Variants in SRGAP3 observed in about 807,000 individuals in gnomAD.
SRGAP3 encodes SLIT-ROBO Rho GTPase activating protein 3.
Under a neutral mutation model 121.1 loss-of-function variants are expected in SRGAP3, and 39 were observed. The ratio of observed to expected loss-of-function variants is 0.32; its 90% confidence interval spans 0.25 to 0.42. The LOEUF (loss-of-function observed/expected upper bound fraction) is 0.42, where lower values mean the gene tolerates loss of function less well. Among genes scored for constraint, SRGAP3 ranks in the 10% least tolerant of loss-of-function variants. The pLI is 1.00. For missense variants in SRGAP3, 1,213 were observed against 1,470.6 expected (o/e 0.82, Z 2.86); for synonymous variants, 601 against 570.0 (o/e 1.05, Z -0.77).
At chr3:9,144,109 T>C (rs1482438142) in intron 1 of SRGAP3, among the ~76,000 whole-genome samples, 1 of 152,206 alleles carries the variant, frequency 6.6e-6, no homozygotes, top group Non-Finnish European at 1.5e-5. Flanking sequence ...AAATTCATGC[T>C]ACCACTAGCA....
At chr3:9,277,430 T>C (rs1954605607) in intron 3 of SRGAP3, among the ~76,000 whole-genome samples, 1 of 146,488 alleles carries the variant, frequency 6.8e-6, no homozygotes, top group Non-Finnish European at 1.5e-5. Context: ...CAAGTCCCCA[T>C]CTCTACTAAA....
Position 9,047,427 on chromosome 3 carries a change from C to T in SRGAP3, c.1372G>A (p.Ala458Thr), listed in dbSNP as rs1945343596. The T allele has an allele frequency of 5.0e-6, 8 of 1,614,032 alleles. No homozygotes were observed. The highest frequency in any genetic ancestry group is 6.8e-6 in the Non-Finnish European group (8 of 1,180,030). The stretch of plus-strand genomic sequence containing the variant: ...GTCTGCTTGAGTAAATCGTGCTTGG[C>T]CTGCAGCTTGGTGATGAGGTTACTG... ...NGSNLITKLQ[A>T]KHDLLKQTLG... The change falls in exon 10 of 22, where the codon GCC (alanine) becomes ACC (threonine). Residue 458 changes from alanine to threonine, a missense_variant. Transcript: ENST00000383836.
intron 1 of SRGAP3, among the ~76,000 whole-genome samples, chr3:9,132,932 C>A (rs1949511528): frequency 6.6e-6 from 1 of 151,074 alleles, no homozygotes; most frequent in African/African-American, 2.4e-5. Flanking sequence ...CCACCTAGTT[C>A]CCCTCTCGCA....
chr3:9,213,328 G>GA (rs35735660), intron 1 of SRGAP3, among the ~76,000 whole-genome samples: 45 of 147,798 alleles, frequency 3.0e-4, no homozygotes, highest in Non-Finnish European at 4.1e-4. Flanking sequence ...TGCATCATCT[G>GA]AAAAAAAAAA....
intron 3 of SRGAP3, among the ~76,000 whole-genome samples, chr3:9,308,029 C>A (rs1955186026): frequency 6.6e-6 from 1 of 152,202 alleles, no homozygotes; most frequent in African/African-American, 2.4e-5. Context: ...GTGGTGCATG[C>A]CTGTAATCCC....
At chr3:9,140,219 C>T (rs2543494) in intron 1 of SRGAP3, among the ~76,000 whole-genome samples, 100,987 of 151,824 alleles carry the variant, frequency 0.67, 34,077 homozygotes, top group Non-Finnish European at 0.74. Context: ...AACTTGGATA[C>T]GGCATAACTA....
chr3:8,994,617 A>G, intron 18 of SRGAP3, 94 bp from the exon 19 acceptor site: 1 of 1,504,112 alleles, frequency 6.6e-7, no homozygotes, highest in Non-Finnish European at 9.1e-7. Context: ...CTGGGGAAGG[A>G]TAGACTGCAC....
Position 9,349,241 on chromosome 3 carries a change from G to T in SRGAP3, n.214+13599C>A, listed in dbSNP as rs540495990. 12 of 577,252 alleles carry T rather than the reference G, an allele frequency of 2.1e-5. No individual in the cohort carries two copies. The Admixed American group carries it at 2.5e-4, about 12-fold the overall frequency. The allele number at this position is 577,252 out of a possible 1,614,324, so 35.8% of individuals were successfully genotyped here. A position where few individuals can be genotyped will look rare whatever the true frequency, so the allele number is the denominator to read the frequency against. On this transcript the variant is annotated intron_variant and non_coding_transcript_variant, in intron 1 of 3. Coordinates refer to the SRGAP3 transcript ENST00000490889. ...CCCAGGAGCACCCTCCCTGCCCATC[G>T]CGTCCCCCTGCCCCTCCCTCCTGCA... is the stretch of plus-strand genomic sequence containing the variant.
At chr3:9,201,251 C>G (rs1003901182) in intron 1 of SRGAP3, among the ~76,000 whole-genome samples, 2 of 152,160 alleles carry the variant, frequency 1.3e-5, no homozygotes, top group Non-Finnish European at 2.9e-5. Flanking sequence ...CAGGCTGGCA[C>G]CCCCAGCCCC....
intron 2 of SRGAP3, among the ~76,000 whole-genome samples, chr3:9,112,172 T>A (rs1034909789): frequency 2.0e-5 from 3 of 152,240 alleles, no homozygotes; most frequent in Middle Eastern, 3.2e-3. Flanking sequence ...AGTCCCATGT[T>A]CCAGATGAAT....
intron 3 of SRGAP3, among the ~76,000 whole-genome samples, chr3:9,289,969 G>A (rs1954844379): frequency 6.6e-6 from 1 of 152,060 alleles, no homozygotes; most frequent in African/African-American, 2.4e-5. Context: ...AAATTAGCCG[G>A]GTGTCATGGT....
At chr3:9,152,832 C>T (rs905113314) in intron 1 of SRGAP3, among the ~76,000 whole-genome samples, 1 of 147,666 alleles carries the variant, frequency 6.8e-6, no homozygotes, top group African/African-American at 2.5e-5. Context: ...CAGAGGCAGC[C>T]CACATCCACG....
chr3:9,182,673 A>C lies in SRGAP3; in HGVS notation c.68-57756T>G, dbSNP rs544423874. Among the ~76,000 whole-genome samples the C allele has an allele frequency of 1.4e-3, 217 of 152,194 alleles. 2 individuals carry two copies. The highest frequency in any genetic ancestry group is 4.1e-3 in the African/African-American group (171 of 41,534). On this transcript the variant is annotated intron_variant, in intron 1 of 21. Transcript: ENST00000383836. ...TTTTATTTATTTGTTTGTTTTATAGAGACAGGGTCTTGCTCTATCACCCAG... is the reference window on the plus strand; with the variant it reads ...TTTTATTTATTTGTTTGTTTTATAGCGACAGGGTCTTGCTCTATCACCCAG...
At chr3:9,333,888 A>G (rs1559281437) in intron 1 of SRGAP3, among the ~76,000 whole-genome samples, 1 of 152,188 alleles carries the variant, frequency 6.6e-6, no homozygotes, top group Non-Finnish European at 1.5e-5. Flanking sequence ...TGCTGGGGAT[A>G]GAGGTCAACA....
At chr3:9,136,539 TC>T (rs1188646987) in intron 1 of SRGAP3, among the ~76,000 whole-genome samples, 2 of 152,192 alleles carry the variant, frequency 1.3e-5, no homozygotes, top group African/African-American at 4.8e-5. Context: ...TCTCTCCCTC[TC>T]CCCTTCCTGT....
intron 9 of SRGAP3, among the ~76,000 whole-genome samples, chr3:9,051,017 CTTTTTTTTTTTT>C (rs71049766): frequency 0.014 from 1,135 of 81,860 alleles, 20 homozygotes; most frequent in African/African-American, 0.045. Context: ...AGCCTCATTG[CTTTTTTTTTTTT>C]TTTTTTTTTT....
At chr3:9,296,726 A>C (rs1398655480) in intron 3 of SRGAP3, among the ~76,000 whole-genome samples, 1 of 152,222 alleles carries the variant, frequency 6.6e-6, no homozygotes, top group African/African-American at 2.4e-5. Flanking sequence ...AGGAAACATA[A>C]TACTACCAAA....
At chr3:9,293,587 T>A (rs1369655160) in intron 3 of SRGAP3, among the ~76,000 whole-genome samples, 1 of 152,116 alleles carries the variant, frequency 6.6e-6, no homozygotes, top group East Asian at 1.9e-4. Flanking sequence ...AAACCATGCA[T>A]CCGACAAAGG....
intron 3 of SRGAP3, among the ~76,000 whole-genome samples, chr3:9,323,631 G>A (rs926757412): frequency 2.0e-5 from 3 of 151,826 alleles, no homozygotes; most frequent in Non-Finnish European, 4.4e-5. Context: ...GGTAGGCTGT[G>A]AATCAGATAC....
Sources: gnomAD v4.1 joint callset for allele counts (sites outside exome capture counted in the v4.1 genomes callset) on GRCh38, gnomAD v4.1.1 for gene constraint, MANE v1.5 for transcripts, NCBI Gene and HGNC (gene_info 2026-07-23, HGNC 2026-07-21) for gene names.